Variants in TASOR observed in about 807,000 individuals in gnomAD.
The protein encoded by TASOR is protein TASOR.
In TASOR, 53 loss-of-function variants were observed where a neutral mutation model predicts 178.6. That is an observed-to-expected ratio of 0.30 (90% CI 0.24 to 0.37). The LOEUF (loss-of-function observed/expected upper bound fraction) is 0.37, where lower values mean the gene tolerates loss of function less well. Ranked by LOEUF, TASOR falls within the 10% of genes least tolerant of loss-of-function variation. The pLI is 1.00. For synonymous variants in TASOR, 713 were observed against 696.2 expected (o/e 1.02, Z -0.38); for missense variants, 1,815 against 1,971.4 (o/e 0.92, Z 1.50).
At chr3:56,644,039 A>C in intron 14 of TASOR, among the ~76,000 whole-genome samples, 1 of 152,342 alleles carries the variant, frequency 6.6e-6, no homozygotes, top group African/African-American at 2.4e-5. Flanking sequence ...TACCAACAAA[A>C]ACAGTACCAA....
chr3:56,670,482 A>T (rs2030564109), intron 3 of TASOR, among the ~76,000 whole-genome samples: 2 of 152,148 alleles, frequency 1.3e-5, no homozygotes, highest in African/African-American at 4.8e-5. Flanking sequence ...CTAGAACTAC[A>T]AGTGCTCACC....
rs1470218985 is a variant in TASOR at position 56,621,360 on chromosome 3, G to A, written c.*1677C>T. 1 of 420,002 alleles carries A rather than the reference G, an allele frequency of 2.4e-6. No individual in the cohort carries two copies. The highest frequency in any genetic ancestry group is 4.3e-6 in the Non-Finnish European group (1 of 234,730). The allele number at this position is 420,002 out of a possible 1,614,324, so 26.0% of individuals were successfully genotyped here. A position where few individuals can be genotyped will look rare whatever the true frequency, so the allele number is the denominator to read the frequency against. On this transcript the variant is annotated 3_prime_UTR_variant, in exon 24 of 24. Coordinates refer to ENST00000683822, the MANE Select transcript of TASOR (RefSeq NM_001365635.2). Reference sequence around the variant, plus strand: ...AAAACAGAATCTTACAAATGTGATAGCTATATATCCAAATGAGGTGGTCTA... The same window carrying A: ...AAAACAGAATCTTACAAATGTGATAACTATATATCCAAATGAGGTGGTCTA...
chr3:56,638,564 C>G (rs1306389811), intron 17 of TASOR, 142 bp downstream of exon 17: 6 of 675,358 alleles, frequency 8.9e-6, no homozygotes, highest in Non-Finnish European at 1.3e-5. Context: ...TAATGATTTA[C>G]ATATAAATAA....
chr3:56,644,587 T>C (rs6802548), intron 14 of TASOR, among the ~76,000 whole-genome samples: 7,474 of 152,274 alleles, frequency 0.049, 189 homozygotes, highest in East Asian at 0.091. Context: ...TGGCTGGACA[T>C]GGCTAGTCTA....
intron 16 of TASOR, 66 bp from the exon 17 acceptor site, chr3:56,638,831 A>G: frequency 4.1e-6 from 6 of 1,474,432 alleles, no homozygotes; most frequent in Non-Finnish European, 5.7e-6. Context: ...CACCTTTCAG[A>G]CAACCCCAAG....
At chr3:56,670,895 C>G (rs1184398919) in intron 3 of TASOR, among the ~76,000 whole-genome samples, 23 of 119,580 alleles carry the variant, frequency 1.9e-4, no homozygotes, top group African/African-American at 7.3e-4. Context: ...GAGCCGCGAT[C>G]ACACCATTTA....
intron 11 of TASOR, among the ~76,000 whole-genome samples, chr3:56,658,287 T>C (rs1451451177): frequency 1.3e-5 from 2 of 152,178 alleles, no homozygotes; most frequent in Admixed American, 1.3e-4. Context: ...AGATCCAGTC[T>C]TCCATTAACA....
At chr3:56,661,770 T>TA (rs1296787325) in intron 9 of TASOR, among the ~76,000 whole-genome samples, 1 of 152,030 alleles carries the variant, frequency 6.6e-6, no homozygotes, top group African/African-American at 2.4e-5. Flanking sequence ...AAATGCTACA[T>TA]AAAAAAATAT....
chr3:56,680,731 T>C (rs1024979330), intron 1 of TASOR, among the ~76,000 whole-genome samples: 2 of 152,128 alleles, frequency 1.3e-5, no homozygotes, highest in African/African-American at 4.8e-5. Flanking sequence ...ACAGCTGGTG[T>C]TCAGGGTATA....
At chr3:56,647,736 C>T (rs977783074) in intron 13 of TASOR, among the ~76,000 whole-genome samples, 1 of 152,192 alleles carries the variant, frequency 6.6e-6, no homozygotes, top group Non-Finnish European at 1.5e-5. Context: ...TAGCTTAATA[C>T]ACAGTATTAA....
chr3:56,666,550 C>G (rs952700146), intron 6 of TASOR, among the ~76,000 whole-genome samples, 166 bp from the exon 7 acceptor site: 4 of 152,154 alleles, frequency 2.6e-5, no homozygotes, highest in Non-Finnish European at 4.4e-5. Context: ...ACTTTGTATT[C>G]ATTTTGTGAT....
rs1440594180 is a variant in TASOR at position 56,673,617 on chromosome 3, C to T, written c.440G>A (p.Arg147His). Residue 147 changes from arginine (R) to histidine (H), a missense_variant, in exon 2 of 24, where the codon CGT becomes CAT. This residue lies in a region of TASOR where 244 missense variants were observed against 202.7 expected (regional missense o/e 1.20). Coordinates refer to ENST00000683822, the MANE Select transcript of TASOR (RefSeq NM_001365635.2). ...PTSVTNFNYR[R>H]ACLVHNELLE... ...AAGCTCATTGTGTACCAAGCAAGCA[C>T]GTCTGTAGTTAAAATTTGTTACTGA... 7 of 1,550,976 alleles carry T rather than the reference C, an allele frequency of 4.5e-6. No individual in the cohort carries two copies. The highest frequency in any genetic ancestry group is 5.2e-6 in the Non-Finnish European group (6 of 1,146,804).
Position 56,621,740 on chromosome 3 carries a change from A to AACTT in TASOR, c.*1293_*1296dup. 1 of 605,510 alleles carries AACTT rather than the reference A, an allele frequency of 1.7e-6. No homozygotes were observed. Among genetic ancestry groups the AACTT allele is most frequent in the Non-Finnish European group, 2.8e-6 (1 of 354,466 alleles). 37.5% of individuals were successfully genotyped at this position (605,510 alleles called of 1,614,324 possible). On this transcript the variant is annotated 3_prime_UTR_variant, in exon 24 of 24. Coordinates refer to ENST00000683822, the MANE Select transcript of TASOR (RefSeq NM_001365635.2). Reference sequence around the variant, plus strand: ...CTTATTTTTTTAAATGCTCATTAAAAACTTGTATACTATGTAGTAAAATGC... The same window carrying AACTT: ...CTTATTTTTTTAAATGCTCATTAAAAACTTACTTGTATACTATGTAGTAAAATGC...
At chr3:56,638,957 T>G (rs1276802005) in intron 16 of TASOR, among the ~76,000 whole-genome samples, 192 bp from the exon 17 acceptor site, 2 of 152,216 alleles carry the variant, frequency 1.3e-5, no homozygotes, top group Non-Finnish European at 2.9e-5. Flanking sequence ...ACACCAAGTA[T>G]GAAGGTGTCT....
intron 1 of TASOR, among the ~76,000 whole-genome samples, chr3:56,679,156 C>T (rs545315003): frequency 7.2e-5 from 11 of 152,296 alleles, no homozygotes; most frequent in Middle Eastern, 6.8e-3. Context: ...TCACAGCTGA[C>T]GCCTATTAAT....
rs749514396 is a variant in TASOR, at chr3:56,624,540, A to C, written c.4422T>G (p.Asn1474Lys). The change falls in exon 23 of 24, where the codon AAT becomes AAG. Residue 1474 changes from asparagine to lysine, a missense_variant. Around this residue, in one of 5 missense-constraint regions of TASOR, gnomAD observed 278 missense variants for 257.1 expected, o/e 1.08. Coordinates refer to ENST00000683822, the MANE Select transcript of TASOR (RefSeq NM_001365635.2). ...GTGGAAGGTTTTCTTCTGTGATTGAATTGTGATAGCCCACAAGATTTTTAA... is the reference window on the plus strand; with the variant it reads ...GTGGAAGGTTTTCTTCTGTGATTGACTTGTGATAGCCCACAAGATTTTTAA... Reference protein sequence around the residue: ...QNFKNLVGYHNSITEENLPQL... With the variant: ...QNFKNLVGYHKSITEENLPQL... 2 of 1,614,144 alleles carry C rather than the reference A, an allele frequency of 1.2e-6. No individual in the cohort carries two copies. The highest frequency in any genetic ancestry group is 1.1e-5 in the South Asian group (1 of 91,080).
At chr3:56,647,351 T>C (rs1384195184) in intron 13 of TASOR, 128 bp from the exon 14 acceptor site, 1 of 678,414 alleles carries the variant, frequency 1.5e-6, no homozygotes, top group South Asian at 2.5e-5. Context: ...CAGACGAGTA[T>C]GTACCCTAGT....
intron 4 of TASOR, 36 bp from the exon 5 acceptor site, chr3:56,669,827 A>G: frequency 1.4e-6 from 2 of 1,410,072 alleles, no homozygotes; most frequent in South Asian, 1.3e-5. Flanking sequence ...AACTGATTAT[A>G]TTTTTCAAAA....
intron 3 of TASOR, 105 bp from the exon 4 acceptor site, chr3:56,670,250 A>C: frequency 1.6e-6 from 1 of 634,634 alleles, no homozygotes. Flanking sequence ...CTTCTTAACT[A>C]TGTATCATTC....
Sources: allele counts gnomAD v4.1 joint callset (sites outside exome capture counted in the v4.1 genomes callset), GRCh38; gene constraint gnomAD v4.1.1; regional missense constraint gnomAD v4.1.1; transcripts MANE v1.5; gene names NCBI Gene and HGNC (gene_info 2026-07-23, HGNC 2026-07-21).